The following GPR35 variants were observed in gnomAD, a reference collection of about 807,000 sequenced individuals.
GPR35 encodes G protein-coupled receptor 35, also known as KYNA receptor.
For missense variants in GPR35, 372 were observed against 422.5 expected, an observed-to-expected ratio of 0.88 and a Z score of 1.05; for synonymous variants, 207 against 198.4, an observed-to-expected ratio of 1.04 and a Z score of -0.36.
chr2:240,620,682 C>T (rs1237269263), upstream of GPR35, among the ~76,000 whole-genome samples: 1 of 152,098 alleles, frequency 6.6e-6, no homozygotes, highest in Non-Finnish European at 1.5e-5. Context: ...GGGGATGGGG[C>T]CATCACAGGA....
intron 1 of GPR35, chr2:240,629,030 G>T (rs1206089641): frequency 6.6e-6 from 1 of 152,314 alleles, no homozygotes; most frequent in Admixed American, 6.5e-5. Context: ...CCCGTGTCCT[G>T]GACACCAGAC....
chr2:240,629,788 T>C, intron 1 of GPR35, 161 bp from the exon 2 acceptor site: 5 of 620,484 alleles, frequency 8.1e-6, no homozygotes, highest in Non-Finnish European at 1.1e-5. Context: ...CTTGGAGTTC[T>C]TTACGGCACC....
intron 3 of GPR35, chr2:240,616,651 ACC>A (rs368490660): frequency 1.6e-6 from 1 of 640,250 alleles, no homozygotes; most frequent in Non-Finnish European, 2.8e-6. Flanking sequence ...CTGCCAAGAG[ACC>A]CCCCAGTGGG....
At position 240,630,563 on chromosome 2, in the gene GPR35, C is replaced by G. The variant is rs2043432165; in HGVS notation, c.611C>G (p.Thr204Ser). 5 of 1,612,840 alleles carry G rather than the reference C, an allele frequency of 3.1e-6. No homozygotes were observed. Among genetic ancestry groups the G allele is most frequent in the Non-Finnish European group, 4.2e-6 (5 of 1,179,890 alleles). The change falls in exon 2 of 2, where the codon ACC (threonine) becomes AGC (serine). Residue 204 changes from threonine (T) to serine (S), a missense_variant. Transcript: ENST00000407714. The stretch of plus-strand genomic sequence containing the variant: ...ACTGCCCTGGCCCAGAGGCCACCCA[C>G]CGACGTGGGGCAGGCAGAGGCCACC... Reference protein sequence around the residue: ...VVTALAQRPPTDVGQAEATRK... With the variant: ...VVTALAQRPPSDVGQAEATRK...
intron 2 of GPR35, among the ~76,000 whole-genome samples, chr2:240,612,317 C>T (rs2043189479): frequency 6.7e-6 from 1 of 149,948 alleles, no homozygotes; most frequent in East Asian, 2.0e-4. Flanking sequence ...GTCTCAGCTA[C>T]TCGGGAGGCC....
chr2:240,628,982 G>T (rs2043407541), intron 1 of GPR35: 3 of 152,320 alleles, frequency 2.0e-5, no homozygotes, highest in Non-Finnish European at 4.4e-5. Flanking sequence ...AAACAAGTTT[G>T]CCCAGCTGCA....
chr2:240,629,635 A>C, intron 1 of GPR35: 5 of 280,988 alleles, frequency 1.8e-5, no homozygotes, highest in Non-Finnish European at 2.7e-5. Context: ...TCTGGAGGGT[A>C]GGGCTTGCTG....
upstream of GPR35, among the ~76,000 whole-genome samples, chr2:240,623,834 G>A (rs1048244202): frequency 3.4e-4 from 51 of 152,202 alleles, no homozygotes; most frequent in East Asian, 9.6e-4. Flanking sequence ...AGAAGAATCC[G>A]CTGGGACCAT....
At chr2:240,627,958 C>T (rs2043397300) in intron 1 of GPR35, 2 of 152,162 alleles carry the variant, frequency 1.3e-5, no homozygotes, top group Non-Finnish European at 2.9e-5. Flanking sequence ...AGGCAGGGTC[C>T]CAGGCTGCCT....
upstream of GPR35, chr2:240,625,421 C>A (rs932365573): frequency 1.0e-6 from 1 of 985,544 alleles, no homozygotes; most frequent in South Asian, 4.7e-5. Flanking sequence ...GCCCGCCCCC[C>A]CACCTTAAGG....
chr2:240,618,134 A>G (rs1396837519), intron 4 of GPR35, among the ~76,000 whole-genome samples: 3 of 152,126 alleles, frequency 2.0e-5, no homozygotes, highest in South Asian at 2.1e-4. Context: ...TCGGATTTAC[A>G]TAGTTTTTAC....
chr2:240,623,288 G>A (rs80118086), upstream of GPR35, among the ~76,000 whole-genome samples: 1 of 148,656 alleles, frequency 6.7e-6, no homozygotes, highest in African/African-American at 2.4e-5. Context: ...CAGGGTGAAG[G>A]GCTGGAAACA....
chr2:240,622,704 G>C (rs1158984530), upstream of GPR35, among the ~76,000 whole-genome samples: 2 of 152,224 alleles, frequency 1.3e-5, no homozygotes, highest in East Asian at 1.9e-4. Context: ...AGGAGGAGGG[G>C]CAGGAAGGAA....
At chr2:240,619,386 C>T (rs1027478551) in intron 5 of GPR35, among the ~76,000 whole-genome samples, 16 of 152,228 alleles carry the variant, frequency 1.1e-4, no homozygotes, top group Non-Finnish European at 2.4e-4. Flanking sequence ...TATCAGCAGG[C>T]GTCTTGCCTG....
intron 5 of GPR35, chr2:240,619,113 C>T: frequency 1.5e-6 from 1 of 662,818 alleles, no homozygotes. Context: ...GCCAAATCCA[C>T]CTGCCTGGGG....
intron 1 of GPR35, among the ~76,000 whole-genome samples, chr2:240,626,842 G>C (rs2043383623): frequency 6.6e-6 from 1 of 152,196 alleles, no homozygotes; most frequent in Admixed American, 6.5e-5. Flanking sequence ...CTGGGGTCTG[G>C]GCGGGTCCCG....
intron 2 of GPR35, among the ~76,000 whole-genome samples, chr2:240,612,283 C>T (rs867420508): frequency 1.6e-4 from 25 of 151,560 alleles, no homozygotes; most frequent in African/African-American, 3.6e-4. Context: ...AAAAATTAGC[C>T]GGGTGTGGTG....
upstream of GPR35, among the ~76,000 whole-genome samples, chr2:240,622,857 G>A (rs2125483113): frequency 6.6e-6 from 1 of 152,342 alleles, no homozygotes; most frequent in East Asian, 1.9e-4. Context: ...TGGGGGCGGA[G>A]GGCCCCGGGC....
chr2:240,622,462 G>C (rs376615905), upstream of GPR35, among the ~76,000 whole-genome samples: 3 of 152,188 alleles, frequency 2.0e-5, no homozygotes, highest in African/African-American at 4.8e-5. Context: ...TCCCCGGGCC[G>C]CATTGGAATA....
Sources: allele counts gnomAD v4.1 joint callset (sites outside exome capture counted in the v4.1 genomes callset), GRCh38; gene constraint gnomAD v4.1.1; transcripts MANE v1.5; gene names NCBI Gene and HGNC (gene_info 2026-07-23, HGNC 2026-07-21).